The following MOB3A variants were observed in gnomAD, a reference collection of about 807,000 sequenced individuals.
MOB3A encodes the protein MOB kinase activator 3A.
A neutral mutation model predicts 17.8 loss-of-function variants in MOB3A; 17 were observed. That is an observed-to-expected ratio of 0.95 (90% confidence interval 0.65 to 1.43). MOB3A has a LOEUF of 1.43. Among genes scored for constraint, MOB3A ranks in the 40% most tolerant of loss-of-function variants. The pLI, the probability that MOB3A is intolerant of heterozygous loss-of-function variation, is 0.00. For missense variants in MOB3A, 333 were observed against 310.8 expected (o/e 1.07, Z -0.54); for synonymous variants, 124 against 133.2 (o/e 0.93, Z 0.48).
rs1002090511 is a variant in MOB3A, at chr19:2,082,376, C to T, written c.-120+2799G>A. ...AGGAGCTCCCCCAAGTTATGACAAC[C>T]ACAGATGTGCCCAGACATCACCCAG... On this transcript the variant is annotated intron_variant, in intron 2 of 4. Transcript: ENST00000357066. The surrounding 1 kb of genome is among the most constrained non-coding windows in gnomAD (Gnocchi z 4.1). Among the ~76,000 whole-genome samples, 1 of 152,210 alleles carries T rather than the reference C, an allele frequency of 6.6e-6. No individual in the cohort carries two copies. The highest frequency in any genetic ancestry group is 1.9e-4 in the East Asian group (1 of 5,194).
chr19:2,084,922 C>T (rs914704750), intron 2 of MOB3A, among the ~76,000 whole-genome samples: 1 of 151,694 alleles, frequency 6.6e-6, no homozygotes, highest in Admixed American at 6.6e-5. Flanking sequence ...AGGGGTTTCA[C>T]CATGTTGCCT....
intron 2 of MOB3A, among the ~76,000 whole-genome samples, chr19:2,079,210 G>A (rs10426721): frequency 0.046 from 7,006 of 152,340 alleles, 315 homozygotes; most frequent in African/African-American, 0.12. Context: ...CGCAGGGGCC[G>A]CATCTTCCCC....
intron 4 of MOB3A, among the ~76,000 whole-genome samples, chr19:2,076,382 A>T (rs1279567546): frequency 1.3e-5 from 2 of 152,132 alleles, no homozygotes; most frequent in East Asian, 3.9e-4. Context: ...CAGTGAGCCG[A>T]GATCGCACCA....
At chr19:2,089,420 G>T (rs930866350) in intron 1 of MOB3A, among the ~76,000 whole-genome samples, 7 of 152,216 alleles carry the variant, frequency 4.6e-5, no homozygotes, top group African/African-American at 1.7e-4. Flanking sequence ...CTGGGGAGGG[G>T]CCATCCTGGG....
At chr19:2,084,232 C>T in intron 2 of MOB3A, 1 of 456,650 alleles carries the variant, frequency 2.2e-6, no homozygotes, top group Non-Finnish European at 4.4e-6. Flanking sequence ...GTGGCTCATG[C>T]CTGTAATCCC....
Position 2,082,222 on chromosome 19 carries a change from A to G in MOB3A, c.-120+2953T>C, listed in dbSNP as rs887876747. ...TCTCCACTTTACAGATGAGAAAACC[A>G]GGGCCCAGAAAACCAGGCCTCTAAC... On this transcript the variant is annotated intron_variant, in intron 2 of 4. Coordinates refer to ENST00000357066, the MANE Select transcript of MOB3A (RefSeq NM_130807.3). This position sits in a 1 kb window ranked among gnomAD's most constrained non-coding sequence, Gnocchi z 4.1. Among the ~76,000 whole-genome samples the G allele has an allele frequency of 6.6e-6, 1 of 152,248 alleles. No individual in the cohort carries two copies. Among genetic ancestry groups the G allele is most frequent in the African/African-American group, 2.4e-5 (1 of 41,468 alleles).
Position 2,078,422 on chromosome 19 carries a change from G to C in MOB3A, c.139C>G (p.Leu47Val), listed in dbSNP as rs758077908. 6.2e-7 allele frequency: 1 copy of C among 1,613,956 alleles called. No homozygotes were observed. Among genetic ancestry groups the C allele is most frequent in the East Asian group, 2.2e-5 (1 of 44,878 alleles). ...ASLNAGLDLR[L>V]AVQLPPGEDL... ...TCGCCCGGGGGCAACTGCACGGCCA[G>C]CCGCAGGTCCAGCCCGGCGTTCAGC... is the stretch of plus-strand genomic sequence containing the variant. Residue 47 changes from leucine (L) to valine (V), a missense_variant, in exon 3 of 5, where the codon CTG (leucine) becomes GTG (valine). Coordinates refer to ENST00000357066, the MANE Select transcript of MOB3A (RefSeq NM_130807.3).
At chr19:2,076,602 C>T (rs755209209) in intron 4 of MOB3A, among the ~76,000 whole-genome samples, 2 of 152,194 alleles carry the variant, frequency 1.3e-5, no homozygotes, top group Non-Finnish European at 2.9e-5. Context: ...CACCTGTCGC[C>T]GGCATTTGTT....
At chr19:2,080,369 T>G (rs1041888996) in intron 2 of MOB3A, among the ~76,000 whole-genome samples, 3 of 151,686 alleles carry the variant, frequency 2.0e-5, no homozygotes, top group African/African-American at 7.3e-5. Context: ...TTCTAGTACA[T>G]TCCAACCCCC....
rs772012324 is a variant in MOB3A, at chr19:2,078,369, G to A, written c.192C>T (p.His64=). Residue 64 remains histidine, a synonymous_variant, in exon 3 of 5, where the codon CAC becomes CAT. Transcript: ENST00000357066. ...GEDLNDWVAV[H]VVDFFNRVNL... ...TGACGCGGTTAAAGAAGTCCACCAC[G>A]TGAACAGCCACCCAGTCGTTCAGGT... is the stretch of plus-strand genomic sequence containing the variant. 1.8e-5 allele frequency: 29 copies of A among 1,614,208 alleles called. No homozygotes were observed. The highest frequency in any genetic ancestry group is 2.4e-5 in the Non-Finnish European group (28 of 1,180,032).
intron 2 of MOB3A, among the ~76,000 whole-genome samples, chr19:2,079,909 C>A (rs951022058): frequency 1.3e-5 from 2 of 152,238 alleles, no homozygotes; most frequent in East Asian, 3.8e-4. Context: ...TTGTGAGACA[C>A]CCACGGGTTG....
At chr19:2,094,238 G>A (rs567169638) in intron 1 of MOB3A, among the ~76,000 whole-genome samples, 1 of 151,990 alleles carries the variant, frequency 6.6e-6, no homozygotes, top group South Asian at 2.1e-4. Flanking sequence ...TAGTAGAGAC[G>A]GGGTTTCACT....
rs1018166008 is a variant in MOB3A at position 2,095,734 on chromosome 19, C to CCTTTTTT, written c.-274+485_-274+491dup. On this transcript the variant is annotated intron_variant, in intron 1 of 4. Coordinates refer to ENST00000357066, the MANE Select transcript of MOB3A (RefSeq NM_130807.3). ...TTCCCTGCCGCCTGAGTTCGCCCTT[C>CCTTTTTT]CTTTTTTCTTTTTTCTTTTGTTCTT... Among the ~76,000 whole-genome samples, 6 of 151,842 alleles carry CCTTTTTT rather than the reference C, an allele frequency of 4.0e-5. No homozygotes were observed. The South Asian group carries it at 8.3e-4, about 21-fold the overall frequency.
chr19:2,074,414 G>T (rs1329206126), intron 4 of MOB3A, among the ~76,000 whole-genome samples: 1 of 151,920 alleles, frequency 6.6e-6, no homozygotes, highest in Non-Finnish European at 1.5e-5. Context: ...GAAAAAGAAA[G>T]AAAAAAGAGG....
intron 2 of MOB3A, among the ~76,000 whole-genome samples, chr19:2,079,606 C>T (rs2017461041): frequency 6.6e-6 from 1 of 152,206 alleles, no homozygotes; most frequent in Admixed American, 6.5e-5. Flanking sequence ...CAGAGGGACC[C>T]AGCCCCGCCC....
In MOB3A at chr19:2,082,844, C is replaced by T. The variant is rs1233921519; in HGVS notation, c.-120+2331G>A. Reference sequence around the variant, plus strand: ...TTCCATTTTTAGAGACAGGTTCTCGCTCTGCTGCTCAGGCTAGAGTGCAGT... The same window carrying T: ...TTCCATTTTTAGAGACAGGTTCTCGTTCTGCTGCTCAGGCTAGAGTGCAGT... On this transcript the variant is annotated intron_variant, in intron 2 of 4. Coordinates refer to ENST00000357066, the MANE Select transcript of MOB3A (RefSeq NM_130807.3). This position sits in a 1 kb window ranked among gnomAD's most constrained non-coding sequence, Gnocchi z 4.1. 6.6e-6 allele frequency among the ~76,000 whole-genome samples: 1 copy of T among 152,212 alleles called. No homozygotes were observed. The highest frequency in any genetic ancestry group is 1.5e-5 in the Non-Finnish European group (1 of 68,030).
rs1385060345 is a variant in MOB3A, at chr19:2,076,830, G to T, written c.605C>A (p.Thr202Asn). ...GCGCACCAGTGGCTCCAGCTCCTTG[G>T]TGTCGATGAGGCCGAACTCCTTGAC... ...YFVKEFGLID[T>N]KELEPLKEMT... Residue 202 changes from threonine (T) to asparagine (N), a missense_variant, in exon 4 of 5, where the codon ACC (threonine) becomes AAC (asparagine). By Grantham distance (65) the Thr-to-Asn change is moderately conservative (BLOSUM62 0). Coordinates refer to ENST00000357066, the MANE Select transcript of MOB3A (RefSeq NM_130807.3). The T allele has an allele frequency of 6.2e-7, 1 of 1,613,776 alleles. No individual in the cohort carries two copies. The highest frequency in any genetic ancestry group is 8.5e-7 in the Non-Finnish European group (1 of 1,180,018).
chr19:2,074,738 GAC>G (rs1420796900), intron 4 of MOB3A, among the ~76,000 whole-genome samples: 1 of 151,580 alleles, frequency 6.6e-6, no homozygotes, highest in African/African-American at 2.4e-5. Flanking sequence ...TTTCCCCTGA[GAC>G]AGAGTCTTGC....
At position 2,072,517 on chromosome 19, in the gene MOB3A, T is replaced by C. The variant is rs763289113; in HGVS notation, c.*878A>G. On this transcript the variant is annotated 3_prime_UTR_variant, in exon 5 of 5. Coordinates refer to ENST00000357066, the MANE Select transcript of MOB3A (RefSeq NM_130807.3). Reference sequence around the variant, plus strand: ...CCTTTATGATACACAAAGGGGCCCTTAGGAAATGAGTCAGAAGCCGGGGTG... The same window carrying C: ...CCTTTATGATACACAAAGGGGCCCTCAGGAAATGAGTCAGAAGCCGGGGTG... 1 of 152,134 alleles carries C rather than the reference T, an allele frequency of 6.6e-6. No homozygotes were observed. Among genetic ancestry groups the C allele is most frequent in the Non-Finnish European group, 1.5e-5 (1 of 67,996 alleles). The allele number at this position is 152,134 out of a possible 1,614,324, so 9.4% of individuals were successfully genotyped here.
Sources: allele counts gnomAD v4.1 joint callset (sites outside exome capture counted in the v4.1 genomes callset), GRCh38; gene constraint gnomAD v4.1.1; non-coding constraint Gnocchi (gnomAD v3.1); transcripts MANE v1.5; gene names NCBI Gene and HGNC (gene_info 2026-07-23, HGNC 2026-07-21).